OR6N1: variants seen among roughly 807,000 people sequenced by gnomAD.
OR6N1 encodes the protein olfactory receptor family 6 subfamily N member 1.
For synonymous variants in OR6N1, 170 were observed against 150.7 expected, an observed-to-expected ratio of 1.13 and a Z score of -0.94; for missense variants, 394 against 371.7, an observed-to-expected ratio of 1.06 and a Z score of -0.49.
At chr1:158,776,781 G>T, upstream of OR6N1, 2 of 1,613,844 alleles carry the variant, frequency 1.2e-6, no homozygotes, top group Non-Finnish European at 1.7e-6. Flanking sequence ...TAATTGGATT[G>T]ACCATTGGTG....
chr1:158,820,441 C>T, the OR6N1 span, among the ~76,000 whole-genome samples: 2 of 152,170 alleles, frequency 1.3e-5, no homozygotes. Context: ...ATTTGCAAAA[C>T]TGAAAATAAT....
At chr1:158,804,665 T>C in the OR6N1 span, among the ~76,000 whole-genome samples, 1 of 152,206 alleles carries the variant, frequency 6.6e-6, no homozygotes, top group African/African-American at 2.4e-5. Context: ...TAAATTTTTA[T>C]TTACCTAAAC....
At chr1:158,781,509 A>G in the OR6N1 span, among the ~76,000 whole-genome samples, 2 of 152,324 alleles carry the variant, frequency 1.3e-5, no homozygotes, top group Non-Finnish European at 2.9e-5. Context: ...ACTTCTGAAC[A>G]TAGACTCTTG....
At chr1:158,767,441 A>G (rs1368066611) in intron 1 of OR6N1, among the ~76,000 whole-genome samples, 1 of 152,116 alleles carries the variant, frequency 6.6e-6, no homozygotes, top group Non-Finnish European at 1.5e-5. Context: ...TCAACTTCAA[A>G]TGCTCTTTTC....
chr1:158,791,563 G>C, the OR6N1 span, among the ~76,000 whole-genome samples: 69 of 150,816 alleles, frequency 4.6e-4, no homozygotes, highest in African/African-American at 1.5e-3. Context: ...TCCGAGTCCT[G>C]GGTTCAAGCG....
the OR6N1 span, chr1:158,777,430 A>T: frequency 8.1e-6 from 13 of 1,614,104 alleles, no homozygotes; most frequent in African/African-American, 1.7e-4. Context: ...CCACAACTCC[A>T]AGAAGGAAAG....
At chr1:158,805,614 A>T in the OR6N1 span, among the ~76,000 whole-genome samples, 1 of 152,172 alleles carries the variant, frequency 6.6e-6, no homozygotes, top group Non-Finnish European at 1.5e-5. Flanking sequence ...TGCGCTAAAG[A>T]TGACCTGAAC....
the OR6N1 span, among the ~76,000 whole-genome samples, chr1:158,810,998 C>T: frequency 3.9e-5 from 6 of 152,162 alleles, no homozygotes; most frequent in African/African-American, 7.2e-5. Context: ...AAGCCTAGTA[C>T]CCATTAGTTA....
chr1:158,789,620 C>G, the OR6N1 span, among the ~76,000 whole-genome samples: 2 of 152,114 alleles, frequency 1.3e-5, no homozygotes, highest in Middle Eastern at 3.2e-3. Flanking sequence ...TAACTCCTAG[C>G]CATTATATAT....
the OR6N1 span, among the ~76,000 whole-genome samples, chr1:158,787,709 T>C: frequency 6.6e-6 from 1 of 151,870 alleles, no homozygotes; most frequent in Non-Finnish European, 1.5e-5. Context: ...TTGAATAGTA[T>C]TTCTCCAGTT....
At chr1:158,776,858 C>T, upstream of OR6N1, 1 of 1,614,166 alleles carries the variant, frequency 6.2e-7, no homozygotes, top group Admixed American at 1.7e-5. Flanking sequence ...TTTAGCCGCA[C>T]ATACATGAAG....
At chr1:158,821,647 T>G in the OR6N1 span, among the ~76,000 whole-genome samples, 6 of 152,226 alleles carry the variant, frequency 3.9e-5, no homozygotes, top group African/African-American at 7.2e-5. Flanking sequence ...AGTATTCCAC[T>G]GTCTGGATAT....
chr1:158,840,314 C>T, the OR6N1 span, among the ~76,000 whole-genome samples: 1 of 152,152 alleles, frequency 6.6e-6, no homozygotes, highest in African/African-American at 2.4e-5. Flanking sequence ...GATTTACTCA[C>T]AGTTCCGCAC....
At chr1:158,791,279 G>C in the OR6N1 span, among the ~76,000 whole-genome samples, 1 of 151,976 alleles carries the variant, frequency 6.6e-6, no homozygotes, top group Non-Finnish European at 1.5e-5. Context: ...CTCTATCCCA[G>C]AGGTTTTGAT....
the OR6N1 span, among the ~76,000 whole-genome samples, chr1:158,788,853 A>G: frequency 6.6e-6 from 1 of 152,110 alleles, no homozygotes; most frequent in Non-Finnish European, 1.5e-5. Flanking sequence ...CTTGATGTTT[A>G]TGTTATACAT....
the OR6N1 span, among the ~76,000 whole-genome samples, chr1:158,830,295 A>T: frequency 1.3e-5 from 2 of 152,190 alleles, no homozygotes; most frequent in Non-Finnish European, 2.9e-5. Context: ...AGTGGCTGTC[A>T]TTCTAGATCC....
rs1657262199 is a variant in OR6N1, at chr1:158,766,317, C to G, written c.366G>C (p.Arg122Ser). ...CYLLTAMAYD[R>S]YLAICRPLHY... ...GGAGGGGCCGGCAGATGGCTAAATA[C>G]CTATCGTAGGCCATAGCTGTCAGGA... The change falls in exon 2 of 2, where the codon AGG becomes AGC. Residue 122 changes from arginine to serine, a missense_variant. Transcript: ENST00000641846. The G allele has an allele frequency of 6.2e-7, 1 of 1,613,890 alleles. No individual in the cohort carries two copies. Among genetic ancestry groups the G allele is most frequent in the African/African-American group, 1.3e-5 (1 of 74,872 alleles).
chr1:158,774,059 A>G (rs1657494740), upstream of OR6N1, among the ~76,000 whole-genome samples: 1 of 152,206 alleles, frequency 6.6e-6, no homozygotes, highest in Admixed American at 6.5e-5. Flanking sequence ...CCCAAAAACT[A>G]TGAGCAGACT....
chr1:158,832,681 A>G, the OR6N1 span, among the ~76,000 whole-genome samples: 1 of 151,744 alleles, frequency 6.6e-6, no homozygotes, highest in Non-Finnish European at 1.5e-5. Flanking sequence ...ACTGATACTT[A>G]TTGACTTAAG....
Sources: allele counts gnomAD v4.1 joint callset (sites outside exome capture counted in the v4.1 genomes callset), GRCh38; gene constraint gnomAD v4.1.1; transcripts MANE v1.5; gene names NCBI Gene and HGNC (gene_info 2026-07-23, HGNC 2026-07-21).